The following N4BP2 variants were observed in gnomAD, a reference collection of about 807,000 sequenced individuals.
The protein encoded by N4BP2 is NEDD4-binding protein 2.
N4BP2 carries 91 observed loss-of-function variants against 152.8 expected under a neutral mutation model. The observed-to-expected ratio is 0.60, with a 90% CI of 0.50 to 0.71. The LOEUF (loss-of-function observed/expected upper bound fraction) is 0.71. N4BP2 is among the 30% of genes least tolerant of loss of function. N4BP2 has a pLI of 0.00. For missense variants in N4BP2, 1,923 were observed against 2,059.1 expected (o/e 0.93, Z 1.28); for synonymous variants, 646 against 705.3 (o/e 0.92, Z 1.33).
intron 13 of N4BP2, among the ~76,000 whole-genome samples, chr4:40,134,758 C>T (rs931174692): frequency 6.6e-6 from 1 of 152,070 alleles, no homozygotes; most frequent in Non-Finnish European, 1.5e-5. Context: ...ACATGGCTTC[C>T]TTTCAAGGGT....
rs140033050 is a variant in N4BP2, at chr4:40,149,722, G to A, written c.5144-3058G>A. Among the ~76,000 whole-genome samples, 612 of 151,616 alleles carry A rather than the reference G, an allele frequency of 4.0e-3. 4 individuals carry two copies. The highest frequency in any genetic ancestry group is 0.014 in the African/African-American group (568 of 41,358). On this transcript the variant is annotated intron_variant, in intron 16 of 17. Coordinates refer to ENST00000261435, the MANE Select transcript of N4BP2 (RefSeq NM_018177.6). ...ATCCTGGCTAACACAGTGAAACCCC[G>A]TCTCTACTAAAAATACAAAAAAAAA...
At chr4:40,149,491 A>C (rs551325910) in intron 16 of N4BP2, among the ~76,000 whole-genome samples, 1 of 152,132 alleles carries the variant, frequency 6.6e-6, no homozygotes, top group African/African-American at 2.4e-5. Context: ...ATGTTCTGGA[A>C]TTAGTGGTGG....
At chr4:40,174,779 G>T in the N4BP2 span, among the ~76,000 whole-genome samples, 14 of 152,092 alleles carry the variant, frequency 9.2e-5, 1 homozygote, top group African/African-American at 3.4e-4. Flanking sequence ...TCCAGTCTGG[G>T]CGACAGAGTG....
intron 1 of N4BP2, among the ~76,000 whole-genome samples, chr4:40,070,679 A>G (rs1452617135): frequency 6.6e-6 from 1 of 151,912 alleles, no homozygotes; most frequent in African/African-American, 2.4e-5. Context: ...TTAAACTTGT[A>G]GTCTCAAGTG....
the N4BP2 span, among the ~76,000 whole-genome samples, chr4:40,182,713 GT>G: frequency 6.6e-6 from 1 of 151,996 alleles, no homozygotes; most frequent in African/African-American, 2.4e-5. Context: ...GTCTTGTTCT[GT>G]TGCCCAGACT....
chr4:40,130,269 A>T (rs1718798261), intron 12 of N4BP2, among the ~76,000 whole-genome samples: 2 of 152,042 alleles, frequency 1.3e-5, no homozygotes, highest in Non-Finnish European at 2.9e-5. Context: ...GGCTCAAGCG[A>T]TCTGCCCACC....
chr4:40,150,293 A>G (rs1259867044), intron 16 of N4BP2, among the ~76,000 whole-genome samples: 2 of 152,186 alleles, frequency 1.3e-5, no homozygotes, highest in Non-Finnish European at 2.9e-5. Flanking sequence ...ACTGACTACC[A>G]TTTTATAGGG....
rs942011311 is a variant in N4BP2, at chr4:40,156,024, T to C, written c.*1787T>C. Reference sequence around the variant, plus strand: ...CACACTTTTGTAATCTCTAGAACAGTTCTATACATTAAAAATAAACATTAA... The same window carrying C: ...CACACTTTTGTAATCTCTAGAACAGCTCTATACATTAAAAATAAACATTAA... On this transcript the variant is annotated 3_prime_UTR_variant, in exon 18 of 18. Transcript: ENST00000261435. 2.0e-5 allele frequency: 3 copies of C among 152,190 alleles called. No homozygotes were observed. Among genetic ancestry groups the C allele is most frequent in the African/African-American group, 7.2e-5 (3 of 41,454 alleles). The allele number at this position is 152,190 out of a possible 1,614,324, so 9.4% of individuals were successfully genotyped here.
At chr4:40,084,090 A>G (rs1217178020) in intron 2 of N4BP2, among the ~76,000 whole-genome samples, 1 of 152,064 alleles carries the variant, frequency 6.6e-6, no homozygotes, top group African/African-American at 2.4e-5. Context: ...AGCTGGGATT[A>G]CAGGCATGCG....
At chr4:40,097,031 A>G (rs1715169835) in intron 2 of N4BP2, among the ~76,000 whole-genome samples, 196 bp from the exon 3 acceptor site, 1 of 152,252 alleles carries the variant, frequency 6.6e-6, no homozygotes, top group East Asian at 1.9e-4. Flanking sequence ...TCTGAAATAC[A>G]TATTGTTAAC....
rs1715824768 is a variant in N4BP2, at chr4:40,102,837, A to G, written c.992A>G (p.His331Arg). Residue 331 changes from histidine (H) to arginine (R), a missense_variant, in exon 4 of 18, where the codon CAT (histidine) becomes CGT (arginine). Physicochemically the swap from His to Arg is conservative, Grantham distance 29. Coordinates refer to ENST00000261435, the MANE Select transcript of N4BP2 (RefSeq NM_018177.6). ...GGGTTCAACTTCAAGCCACACAAAC[A>G]TCCTGAACTGCCAACTAAGGGGAAG... ...SEGFNFKPHKHPELPTKGKDV... is the reference protein window; with the variant it reads ...SEGFNFKPHKRPELPTKGKDV... 1 of 1,614,144 alleles carries G rather than the reference A, an allele frequency of 6.2e-7. No individual in the cohort carries two copies. Among genetic ancestry groups the G allele is most frequent in the South Asian group, 1.1e-5 (1 of 91,078 alleles).
chr4:40,121,008 A>G lies in N4BP2; in HGVS notation c.2897A>G (p.Lys966Arg). 1 of 1,614,122 alleles carries G rather than the reference A, an allele frequency of 6.2e-7. No homozygotes were observed. Among genetic ancestry groups the G allele is most frequent in the Non-Finnish European group, 8.5e-7 (1 of 1,180,018 alleles). ...TGTGAGAGTCAGACTTGTCTAAGTAAAAAGAGTCATGGGCAACACACATCG... is the reference window on the plus strand; with the variant it reads ...TGTGAGAGTCAGACTTGTCTAAGTAGAAAGAGTCATGGGCAACACACATCG... ...MTCESQTCLSKKSHGQHTSLP... is the reference protein window; with the variant it reads ...MTCESQTCLSRKSHGQHTSLP... Residue 966 changes from lysine (K) to arginine (R), a missense_variant, in exon 9 of 18, where the codon AAA becomes AGA. Transcript: ENST00000261435.
the N4BP2 span, among the ~76,000 whole-genome samples, chr4:40,175,807 G>GAA: frequency 0.11 from 6,882 of 63,918 alleles, 268 homozygotes; most frequent in Non-Finnish European, 0.14. Context: ...CTCGTCTCAA[G>GAA]AAAAAAAAAA....
the N4BP2 span, among the ~76,000 whole-genome samples, chr4:40,166,315 G>A: frequency 2.0e-5 from 3 of 152,144 alleles, no homozygotes; most frequent in Non-Finnish European, 4.4e-5. Context: ...GTCAGAGGTA[G>A]GAGAATTAGA....
At chr4:40,176,736 T>G in the N4BP2 span, among the ~76,000 whole-genome samples, 3 of 152,236 alleles carry the variant, frequency 2.0e-5, no homozygotes, top group South Asian at 6.2e-4. Context: ...GACAGCCATG[T>G]GGGAGAGGGT....
intron 1 of N4BP2, among the ~76,000 whole-genome samples, chr4:40,057,737 G>T (rs1420335824): frequency 6.6e-6 from 1 of 152,000 alleles, no homozygotes; most frequent in Non-Finnish European, 1.5e-5. Context: ...CTTAGCGGGG[G>T]CACAGTTTAT....
Position 40,102,882 on chromosome 4 carries a change from T to C in N4BP2, c.1037T>C (p.Val346Ala), listed in dbSNP as rs1399327769. The change falls in exon 4 of 18, where the codon GTA (valine) becomes GCA (alanine). Residue 346 changes from valine to alanine, a missense_variant. Val to Ala is a moderately conservative substitution (Grantham distance 64). Coordinates refer to ENST00000261435, the MANE Select transcript of N4BP2 (RefSeq NM_018177.6). ...GGGAAGGATGTGAGTTACTGCCCGG[T>C]ACTTGCTCCTCTCCCATTGCTGTTG... is the stretch of plus-strand genomic sequence containing the variant. Reference protein sequence around the residue: ...TKGKDVSYCPVLAPLPLLLPP... With the variant: ...TKGKDVSYCPALAPLPLLLPP... 1 of 1,614,086 alleles carries C rather than the reference T, an allele frequency of 6.2e-7. No individual in the cohort carries two copies. The highest frequency in any genetic ancestry group is 1.3e-5 in the African/African-American group (1 of 74,928).
At chr4:40,166,033 C>A in the N4BP2 span, among the ~76,000 whole-genome samples, 2 of 152,048 alleles carry the variant, frequency 1.3e-5, no homozygotes, top group Admixed American at 6.6e-5. Context: ...GCATATAAAT[C>A]TCTCATCTCA....
intron 1 of N4BP2, among the ~76,000 whole-genome samples, chr4:40,070,985 T>C (rs1440164121): frequency 6.6e-6 from 1 of 152,030 alleles, no homozygotes; most frequent in Non-Finnish European, 1.5e-5. Context: ...CCACCATGCC[T>C]GGCTAATTTT....
Sources: allele counts gnomAD v4.1 joint callset (sites outside exome capture counted in the v4.1 genomes callset), GRCh38; gene constraint gnomAD v4.1.1; transcripts MANE v1.5; gene names NCBI Gene and HGNC (gene_info 2026-07-23, HGNC 2026-07-21).